Variants in TNFSF4 observed in about 807,000 individuals in gnomAD.
TNFSF4 encodes the protein tumor necrosis factor ligand superfamily member 4.
In TNFSF4, 4 loss-of-function variants were observed where a neutral mutation model predicts 7.3. The observed-to-expected ratio is 0.55, with a 90% CI of 0.27 to 1.25. TNFSF4 has a LOEUF of 1.25. Among genes scored for constraint, TNFSF4 ranks in the 50% most tolerant of loss-of-function variants. The probability of loss-of-function intolerance (pLI) is 0.12; values close to 1 mark genes in which losing one functional copy is unlikely to be tolerated. For synonymous variants in TNFSF4, 76 were observed against 83.7 expected, an observed-to-expected ratio of 0.91 and a Z score of 0.50; for missense variants, 181 against 208.8, an observed-to-expected ratio of 0.87 and a Z score of 0.82.
the TNFSF4 span, among the ~76,000 whole-genome samples, chr1:173,415,125 C>T: frequency 1.9e-3 from 287 of 152,334 alleles, 1 homozygote; most frequent in African/African-American, 6.7e-3. Flanking sequence ...AATCCTCTCA[C>T]CTATTGCAAT....
the TNFSF4 span, among the ~76,000 whole-genome samples, chr1:173,341,342 G>A: frequency 1.2e-4 from 18 of 152,136 alleles, no homozygotes; most frequent in Admixed American, 9.2e-4. Flanking sequence ...GAAGACAGAG[G>A]AGGCTCAGAA....
the TNFSF4 span, among the ~76,000 whole-genome samples, chr1:173,290,663 A>T: frequency 8.2e-3 from 1,241 of 152,258 alleles, 12 homozygotes; most frequent in African/African-American, 0.029. Flanking sequence ...TGACAGTGTT[A>T]AGCAGATCAT....
the TNFSF4 span, among the ~76,000 whole-genome samples, chr1:173,220,717 G>A: frequency 6.6e-6 from 1 of 152,230 alleles, no homozygotes; most frequent in African/African-American, 2.4e-5. Flanking sequence ...CTACAAATCT[G>A]GACGAAGGCC....
the TNFSF4 span, among the ~76,000 whole-genome samples, chr1:173,378,547 A>T: frequency 3.9e-5 from 6 of 152,128 alleles, no homozygotes; most frequent in Non-Finnish European, 5.9e-5. Context: ...TTTCTGCACT[A>T]TGGCGTGGCC....
intron 1 of TNFSF4, among the ~76,000 whole-genome samples, chr1:173,206,373 T>A (rs978238051): frequency 9.2e-5 from 14 of 152,314 alleles, no homozygotes; most frequent in African/African-American, 7.2e-5. Context: ...GGGAAAATAC[T>A]AGAAGGATAA....
the TNFSF4 span, among the ~76,000 whole-genome samples, chr1:173,270,828 G>A: frequency 6.6e-6 from 1 of 152,062 alleles, no homozygotes; most frequent in Non-Finnish European, 1.5e-5. Flanking sequence ...TTTTAATGAG[G>A]TGGCACTAGA....
intron 1 of TNFSF4, among the ~76,000 whole-genome samples, chr1:173,193,789 A>C (rs1267630134): frequency 1.3e-5 from 2 of 151,414 alleles, no homozygotes; most frequent in Non-Finnish European, 2.9e-5. Flanking sequence ...AAAAAAAGGA[A>C]CAATCAAGTA....
the TNFSF4 span, among the ~76,000 whole-genome samples, chr1:173,408,783 T>G: frequency 7.9e-5 from 12 of 151,874 alleles, no homozygotes; most frequent in African/African-American, 2.4e-4. Flanking sequence ...AGACGGGGGG[T>G]TTCACCATGT....
chr1:173,436,261 A>T, the TNFSF4 span, among the ~76,000 whole-genome samples: 4 of 152,234 alleles, frequency 2.6e-5, no homozygotes, highest in South Asian at 2.1e-4. Context: ...TAAAGGGTGC[A>T]TTACTAAGCC....
the TNFSF4 span, among the ~76,000 whole-genome samples, chr1:173,391,078 T>A: frequency 6.6e-6 from 1 of 152,060 alleles, no homozygotes; most frequent in Non-Finnish European, 1.5e-5. Flanking sequence ...AAACTATAAA[T>A]TATGAAACTG....
the TNFSF4 span, among the ~76,000 whole-genome samples, chr1:173,394,945 G>C: frequency 3.3e-4 from 47 of 141,860 alleles, no homozygotes; most frequent in African/African-American, 1.2e-3. Context: ...TAGATAGATA[G>C]ACAGACAGAC....
At chr1:173,357,754 C>T in the TNFSF4 span, among the ~76,000 whole-genome samples, 1 of 152,106 alleles carries the variant, frequency 6.6e-6, no homozygotes, top group Non-Finnish European at 1.5e-5. Context: ...AGGCTGGTCT[C>T]AAACTCCCGA....
intron 2 of TNFSF4, among the ~76,000 whole-genome samples, chr1:173,187,785 A>G (rs1415689265): frequency 1.3e-5 from 2 of 152,172 alleles, no homozygotes; most frequent in African/African-American, 4.8e-5. Flanking sequence ...TTATTTCCTT[A>G]TTAGCATTAA....
At chr1:173,324,000 A>T in the TNFSF4 span, among the ~76,000 whole-genome samples, 1 of 152,184 alleles carries the variant, frequency 6.6e-6, no homozygotes, top group Non-Finnish European at 1.5e-5. Flanking sequence ...CACATTCAGG[A>T]AATACATAGA....
chr1:173,307,860 G>A, the TNFSF4 span, among the ~76,000 whole-genome samples: 33 of 151,884 alleles, frequency 2.2e-4, no homozygotes, highest in African/African-American at 7.7e-4. Flanking sequence ...CTGTAAGGTT[G>A]AATTATTTCA....
intron 1 of TNFSF4, among the ~76,000 whole-genome samples, chr1:173,190,293 C>T (rs1435342581): frequency 3.9e-5 from 6 of 152,202 alleles, no homozygotes; most frequent in African/African-American, 1.2e-4. Flanking sequence ...AATGTGAAGA[C>T]GGATTTGTTT....
the TNFSF4 span, among the ~76,000 whole-genome samples, chr1:173,371,433 C>G: frequency 2.0e-5 from 3 of 152,142 alleles, no homozygotes; most frequent in Non-Finnish European, 4.4e-5. Flanking sequence ...AGGAGGGAAT[C>G]AACCCTGAAG....
chr1:173,433,425 T>C, the TNFSF4 span, among the ~76,000 whole-genome samples: 3 of 152,118 alleles, frequency 2.0e-5, no homozygotes, highest in Non-Finnish European at 4.4e-5. Flanking sequence ...CCAGGCGAGA[T>C]GGTTCACACC....
chr1:173,288,183 C>T, the TNFSF4 span, among the ~76,000 whole-genome samples: 2 of 152,146 alleles, frequency 1.3e-5, no homozygotes, highest in African/African-American at 4.8e-5. Flanking sequence ...GGGTGGCTTG[C>T]ACCTGTAATC....
Sources: allele counts gnomAD v4.1 joint callset (sites outside exome capture counted in the v4.1 genomes callset), GRCh38; gene constraint gnomAD v4.1.1; transcripts MANE v1.5; gene names NCBI Gene and HGNC (gene_info 2026-07-23, HGNC 2026-07-21).